Variants in CCSER1 observed in about 807,000 individuals in gnomAD.
CCSER1 encodes the protein coiled-coil serine rich protein 1, also known as serine-rich coiled-coil domain-containing protein 1.
A neutral mutation model predicts 82.0 loss-of-function variants in CCSER1; 41 were observed. That is an observed-to-expected ratio of 0.50 (90% confidence interval 0.39 to 0.65). CCSER1 has a LOEUF of 0.65. Among genes scored for constraint, CCSER1 ranks in the 30% least tolerant of loss-of-function variants. The pLI is 0.00. For missense variants in CCSER1, 1,119 were observed against 1,064.2 expected (o/e 1.05, Z -0.72); for synonymous variants, 414 against 383.9 (o/e 1.08, Z -0.92).
chr4:91,587,003 A>G (rs73836252), intron 10 of CCSER1, among the ~76,000 whole-genome samples: 16,558 of 151,710 alleles, frequency 0.11, 928 homozygotes, highest in Middle Eastern at 0.18. Flanking sequence ...AGAATGAAAA[A>G]TATTAATAAA....
At chr4:91,467,767 G>C (rs550376396) in intron 10 of CCSER1, among the ~76,000 whole-genome samples, 6 of 152,240 alleles carry the variant, frequency 3.9e-5, no homozygotes, top group South Asian at 2.1e-4. Context: ...ATCATCACTG[G>C]CCATCAGAGA....
At chr4:90,542,122 A>G (rs555041382) in intron 5 of CCSER1, among the ~76,000 whole-genome samples, 1 of 152,088 alleles carries the variant, frequency 6.6e-6, no homozygotes, top group Non-Finnish European at 1.5e-5. Flanking sequence ...TTGAATTGTG[A>G]TAAAAGAACT....
chr4:90,227,594 A>G (rs1743430727), intron 1 of CCSER1, among the ~76,000 whole-genome samples: 1 of 152,208 alleles, frequency 6.6e-6, no homozygotes, highest in Admixed American at 6.5e-5. Context: ...ATTGAAAATT[A>G]TTATAGAGCT....
intron 10 of CCSER1, among the ~76,000 whole-genome samples, chr4:91,162,681 C>A (rs12511307): frequency 0.2 from 29,943 of 151,956 alleles, 3,221 homozygotes; most frequent in Non-Finnish European, 0.23. Flanking sequence ...GTCCAGGAAT[C>A]TATCCATTTC....
At chr4:90,487,313 G>C (rs1039810443) in intron 5 of CCSER1, among the ~76,000 whole-genome samples, 1 of 152,146 alleles carries the variant, frequency 6.6e-6, no homozygotes, top group Non-Finnish European at 1.5e-5. Flanking sequence ...CTTAACTTTT[G>C]TTTTTAGTTG....
intron 9 of CCSER1, among the ~76,000 whole-genome samples, chr4:91,012,151 C>T (rs1447226148): frequency 7.4e-6 from 1 of 134,940 alleles, no homozygotes; most frequent in Non-Finnish European, 1.7e-5. Context: ...GGCTCAGGGG[C>T]TATGACTTCT....
chr4:90,841,405 C>T lies in CCSER1; in HGVS notation c.2094+25560C>T, dbSNP rs558971587. ...CCTCCTGGCTAACACAATGAAACCC[C>T]GTCTCTACTAAAAATACAAAAAATT... On this transcript the variant is annotated intron_variant, in intron 8 of 10. Transcript: ENST00000509176. Among the ~76,000 whole-genome samples, 10 of 151,662 alleles carry T rather than the reference C, an allele frequency of 6.6e-5. No homozygotes were observed. The South Asian group carries it at 8.3e-4, about 13-fold the overall frequency.
intron 1 of CCSER1, among the ~76,000 whole-genome samples, chr4:90,240,397 G>A (rs1403292663): frequency 1.3e-5 from 2 of 152,104 alleles, no homozygotes; most frequent in Non-Finnish European, 2.9e-5. Flanking sequence ...CTGCAAGATT[G>A]GCAAGCAACC....
In CCSER1 at chr4:91,305,659, A is replaced by ATG. The variant is rs371511733; in HGVS notation, c.2217+219682_2217+219683dup. Among the ~76,000 whole-genome samples, 1,184 of 149,466 alleles carry ATG rather than the reference A, an allele frequency of 7.9e-3. 42 individuals are homozygous for ATG. Among genetic ancestry groups the ATG allele is most frequent in the Admixed American group, 0.06 (898 of 14,960 alleles). ...TTTCTGTTTTTGTCAGTGTGTATGTATGTGTGTGTGTGTGTGTGCATGTGT... is the reference window on the plus strand; with the variant it reads ...TTTCTGTTTTTGTCAGTGTGTATGTATGTGTGTGTGTGTGTGTGTGCATGTGT... On this transcript the variant is annotated intron_variant, in intron 10 of 10. Coordinates refer to ENST00000509176, the MANE Select transcript of CCSER1 (RefSeq NM_001145065.2).
chr4:91,367,665 A>G (rs1326716225), intron 10 of CCSER1, among the ~76,000 whole-genome samples: 2 of 152,116 alleles, frequency 1.3e-5, no homozygotes, highest in Non-Finnish European at 2.9e-5. Context: ...ACATTACTAT[A>G]TCATGGATTT....
chr4:90,339,603 G>C (rs553816209), intron 3 of CCSER1, among the ~76,000 whole-genome samples: 42 of 151,922 alleles, frequency 2.8e-4, no homozygotes, highest in Non-Finnish European at 5.6e-4. Flanking sequence ...ACCCACCCCA[G>C]TGTCTTTGCA....
At chr4:90,658,742 T>G (rs186895222) in intron 6 of CCSER1, among the ~76,000 whole-genome samples, 80 of 152,336 alleles carry the variant, frequency 5.3e-4, no homozygotes, top group African/African-American at 1.8e-3. Context: ...AGATTACAGC[T>G]GTGCGTGTAA....
At chr4:90,208,031 G>A (rs574691178) in intron 1 of CCSER1, among the ~76,000 whole-genome samples, 2 of 151,980 alleles carry the variant, frequency 1.3e-5, no homozygotes, top group Admixed American at 1.3e-4. Context: ...GCACTGTGCC[G>A]GGAGATCTGC....
At chr4:91,383,345 A>G (rs1313553056) in intron 10 of CCSER1, among the ~76,000 whole-genome samples, 2 of 152,060 alleles carry the variant, frequency 1.3e-5, no homozygotes, top group East Asian at 1.9e-4. Flanking sequence ...TCTTCATGTT[A>G]TCTCACTTTT....
chr4:91,208,187 G>T (rs1736504609), intron 10 of CCSER1, among the ~76,000 whole-genome samples: 1 of 151,934 alleles, frequency 6.6e-6, no homozygotes, highest in Non-Finnish European at 1.5e-5. Flanking sequence ...TAGGTTGCCT[G>T]TTTACTCTGT....
At chr4:91,560,196 G>A (rs1384488993) in intron 10 of CCSER1, among the ~76,000 whole-genome samples, 4 of 151,408 alleles carry the variant, frequency 2.6e-5, no homozygotes, top group African/African-American at 9.7e-5. Context: ...GTGGTAGTTA[G>A]ATTGATGTTG....
chr4:90,901,726 C>G (rs533177807), intron 8 of CCSER1, among the ~76,000 whole-genome samples: 3 of 151,848 alleles, frequency 2.0e-5, no homozygotes, highest in Non-Finnish European at 2.9e-5. Context: ...TTTTTCTCCC[C>G]CTTCATGTTG....
At chr4:90,245,726 C>T (rs1322559160) in intron 1 of CCSER1, among the ~76,000 whole-genome samples, 2 of 152,086 alleles carry the variant, frequency 1.3e-5, no homozygotes, top group African/African-American at 2.4e-5. Context: ...TTCAGACCAA[C>T]TTCATATACT....
At chr4:90,188,140 C>T (rs978642139) in intron 1 of CCSER1, among the ~76,000 whole-genome samples, 4 of 152,006 alleles carry the variant, frequency 2.6e-5, no homozygotes, top group African/African-American at 9.6e-5. Flanking sequence ...TTCCCACTTT[C>T]CACTCTTCTC....
Sources: gnomAD v4.1 joint callset for allele counts (sites outside exome capture counted in the v4.1 genomes callset) on GRCh38, gnomAD v4.1.1 for gene constraint, MANE v1.5 for transcripts, NCBI Gene and HGNC (gene_info 2026-07-23, HGNC 2026-07-21) for gene names.